FHL1: variants seen among roughly 807,000 people sequenced by gnomAD.
FHL1 encodes four and a half LIM domains protein 1.
Under a neutral mutation model 20.3 loss-of-function variants are expected in FHL1, and 1 was observed. The ratio of observed to expected loss-of-function variants is 0.05; its 90% CI spans 0.02 to 0.23. The LOEUF (loss-of-function observed/expected upper bound fraction) is 0.23. Ranked by LOEUF, FHL1 falls within the 10% of genes least tolerant of loss-of-function variation. FHL1 has a pLI of 1.00. For missense variants in FHL1, 177 were observed against 234.0 expected (o/e 0.76, Z 1.59); for synonymous variants, 82 against 88.9 (o/e 0.92, Z 0.44).
chrX:136,195,538 C>T (rs183543007), upstream of FHL1, among the ~76,000 whole-genome samples: 94 of 112,243 alleles, frequency 8.4e-4, no homozygotes, highest in East Asian at 0.02. Flanking sequence ...CTCTTCTTTT[C>T]CCAGGCTTAT....
At chrX:136,185,276 A>G (rs181632520) in intron 2 of FHL1, among the ~76,000 whole-genome samples, 2 of 112,054 alleles carry the variant, frequency 1.8e-5, no homozygotes, top group East Asian at 5.6e-4. Context: ...TTTAGCATTT[A>G]CTTATGGTAT....
At chrX:136,167,434 T>C (rs2072742343), upstream of FHL1, among the ~76,000 whole-genome samples, 2 of 109,942 alleles carry the variant, frequency 1.8e-5, no homozygotes, top group Admixed American at 2.0e-4. Context: ...CTTGATCTCA[T>C]GACCTCGTGA....
Position 136,207,110 on chromosome X carries a change from A to T in FHL1, c.299A>T (p.Asp100Val). 8.3e-7 allele frequency: 1 copy of T among 1,211,810 alleles called. No homozygotes were observed. The highest frequency in any genetic ancestry group is 1.1e-6 in the Non-Finnish European group (1 of 895,404). ...GCCAATGAGACCTTTGTGGCCAAGG[A>T]CAACAAGATCCTGTGCAACAAGTGC... ...PLANETFVAKDNKILCNKCTT... is the reference protein window; with the variant it reads ...PLANETFVAKVNKILCNKCTT... Residue 100 changes from aspartate (D) to valine (V), a missense_variant, in exon 3 of 6, where the codon GAC (aspartate) becomes GTC (valine). By Grantham distance (152) the Asp-to-Val change is radical. Coordinates refer to ENST00000370683, the MANE Select transcript of FHL1 (RefSeq NM_001159699.2).
chrX:136,148,976 G>A (rs2072190108), intron 1 of FHL1, among the ~76,000 whole-genome samples: 1 of 112,204 alleles, frequency 8.9e-6, no homozygotes, highest in Admixed American at 9.4e-5. Flanking sequence ...GGGATTATCC[G>A]AGCCCCCTTT....
intron 2 of FHL1, among the ~76,000 whole-genome samples, chrX:136,170,829 C>T (rs978098009): frequency 4.5e-5 from 5 of 111,097 alleles, no homozygotes; most frequent in East Asian, 5.6e-4. Flanking sequence ...AAGGTTGCTG[C>T]GTTTTTGCCT....
At chrX:136,178,791 G>A (rs2073077551) in intron 2 of FHL1, among the ~76,000 whole-genome samples, 1 of 105,090 alleles carries the variant, frequency 9.5e-6, no homozygotes, top group Admixed American at 1.0e-4. Context: ...GTCTCACTCT[G>A]TTGCCCAGGC....
intron 1 of FHL1, among the ~76,000 whole-genome samples, chrX:136,152,956 C>T (rs2072309816): frequency 9.0e-6 from 1 of 111,345 alleles, no homozygotes; most frequent in African/African-American, 3.3e-5. Context: ...AACCATGAAC[C>T]TGGAAGTTAT....
intron 2 of FHL1, chrX:136,169,992 T>C (rs938809484): frequency 9.1e-6 from 3 of 329,187 alleles, no homozygotes; most frequent in African/African-American, 5.3e-5. Flanking sequence ...TAAGTTTTAC[T>C]AATTGCCACA....
At chrX:136,208,417 T>G in intron 4 of FHL1, 38 bp from the exon 5 acceptor site, 3 of 1,202,186 alleles carry the variant, frequency 2.5e-6, no homozygotes, top group East Asian at 3.0e-5. Flanking sequence ...ACAAAATGGT[T>G]GTTGAATCTG....
chrX:136,176,678 A>C (rs763453345), intron 2 of FHL1, among the ~76,000 whole-genome samples: 2 of 111,570 alleles, frequency 1.8e-5, no homozygotes, highest in African/African-American at 6.5e-5. Flanking sequence ...AAAGATACTT[A>C]AGTAAAAATA....
intron 2 of FHL1, among the ~76,000 whole-genome samples, chrX:136,190,432 T>C (rs895378002): frequency 8.9e-6 from 1 of 112,041 alleles, no homozygotes; most frequent in East Asian, 2.8e-4. Flanking sequence ...CCAAAGTTTA[T>C]CCATAAACTT....
chrX:136,176,111 A>G (rs1408496071), intron 2 of FHL1, among the ~76,000 whole-genome samples: 1 of 112,243 alleles, frequency 8.9e-6, no homozygotes, highest in Non-Finnish European at 1.9e-5. Context: ...GCATCTTGGT[A>G]TATACCACAT....
chrX:136,211,244 T>G lies in FHL1; in HGVS notation c.*1219T>G. On this transcript the variant is annotated 3_prime_UTR_variant, in exon 6 of 6. Transcript: ENST00000370683. Reference sequence around the variant, plus strand: ...ATGTAATGACAATACATACTAACATTCTTGTAGGAGTGGTTAGAGAAGCTG... The same window carrying G: ...ATGTAATGACAATACATACTAACATGCTTGTAGGAGTGGTTAGAGAAGCTG... 1 of 348,856 alleles carries G rather than the reference T, an allele frequency of 2.9e-6. No individual in the cohort carries two copies. Among genetic ancestry groups the G allele is most frequent in the Non-Finnish European group, 5.5e-6 (1 of 181,686 alleles). The allele number at this position is 348,856 out of a possible 1,213,427, so 28.7% of individuals were successfully genotyped here. A position where few individuals can be genotyped will look rare whatever the true frequency, so the allele number is the denominator to read the frequency against.
intron 2 of FHL1, among the ~76,000 whole-genome samples, chrX:136,188,698 A>G (rs938117902): frequency 3.6e-5 from 4 of 110,183 alleles, no homozygotes; most frequent in African/African-American, 1.3e-4. Flanking sequence ...AGTCATCCCA[A>G]CTCTAGATGC....
rs749289672 is a variant in FHL1 at position 136,178,611 on chromosome X, A to AAAC, written c.-27+8652_-27+8654dup. ...ACTCTGTCAAAAAAACAAACAGACA[A>AAAC]AACAACAACAACAACAACAACAAAA... On this transcript the variant is annotated intron_variant, in intron 2 of 6. Coordinates refer to the FHL1 transcript ENST00000394153. 4.6e-3 allele frequency among the ~76,000 whole-genome samples: 510 copies of AAAC among 110,949 alleles called. 4 individuals are homozygous for AAAC. Among genetic ancestry groups the AAAC allele is most frequent in the African/African-American group, 0.014 (436 of 30,489 alleles).
chrX:136,156,543 A>G (rs1378549629), intron 1 of FHL1, among the ~76,000 whole-genome samples: 2 of 111,377 alleles, frequency 1.8e-5, no homozygotes, highest in Admixed American at 1.9e-4. Context: ...CGGCCTCCCA[A>G]ATTGCTGGGA....
intron 1 of FHL1, among the ~76,000 whole-genome samples, chrX:136,200,891 C>T (rs974516515): frequency 1.8e-5 from 2 of 111,805 alleles, no homozygotes; most frequent in Admixed American, 9.5e-5. Flanking sequence ...AGGCCGGGCA[C>T]GGTGGCTCAT....
intron 2 of FHL1, among the ~76,000 whole-genome samples, chrX:136,183,094 C>CAAAAAAA (rs770573573): frequency 2.0e-5 from 1 of 50,438 alleles, no homozygotes; most frequent in African/African-American, 7.9e-5. Context: ...GAGACTGTCT[C>CAAAAAAA]AAAAAAAAAA....
intron 4 of FHL1, 48 bp downstream of exon 4, chrX:136,208,009 TTGACAGTTTGCAGAGCACTTCCAC>T: frequency 8.4e-7 from 1 of 1,183,930 alleles, no homozygotes; most frequent in Non-Finnish European, 1.1e-6. Context: ...CTAGAAGTGT[TTGACAGTTTGCAGAGCACTTCCAC>T]ACACACTATC....
Sources: allele counts gnomAD v4.1 joint callset (sites outside exome capture counted in the v4.1 genomes callset), GRCh38; gene constraint gnomAD v4.1.1; transcripts MANE v1.5; gene names NCBI Gene and HGNC (gene_info 2026-07-23, HGNC 2026-07-21).